The following CMPK1 variants were observed in gnomAD, a reference collection of about 807,000 sequenced individuals.
The protein encoded by CMPK1 is cytidine/uridine monophosphate kinase 1.
Under a neutral mutation model 25.7 loss-of-function variants are expected in CMPK1, and 10 were observed. That is an observed-to-expected ratio of 0.39 (90% confidence interval 0.24 to 0.66). The LOEUF (loss-of-function observed/expected upper bound fraction) is 0.66, where lower values mean the gene tolerates loss of function less well. Among genes scored for constraint, CMPK1 ranks in the 30% least tolerant of loss-of-function variants. CMPK1 has a pLI of 0.48. For synonymous variants in CMPK1, 106 were observed against 101.5 expected (o/e 1.04, Z -0.27); for missense variants, 199 against 280.5 (o/e 0.71, Z 2.08).
At chr1:47,339,998 G>A (rs540062951) in intron 1 of CMPK1, among the ~76,000 whole-genome samples, 75 of 150,746 alleles carry the variant, frequency 5.0e-4, no homozygotes, top group Non-Finnish European at 8.0e-4. Flanking sequence ...GTGAGCCACC[G>A]CATCCGGCTG....
rs1361652567 is a variant in CMPK1 at position 47,338,581 on chromosome 1, CTCCCTCCCTCCTTCCT to C, written c.171+4466_171+4481del. On this transcript the variant is annotated intron_variant, in intron 1 of 5. Coordinates refer to ENST00000371873, the MANE Select transcript of CMPK1 (RefSeq NM_016308.3). ...CTTCCCTCCCTCCCTCTCTCCTTCC[CTCCCTCCCTCCTTCCT>C]GTTCTTTCTTTTTCTTCTTTTCTTT... 1.5e-3 allele frequency among the ~76,000 whole-genome samples: 196 copies of C among 127,698 alleles called. 3 individuals carry two copies. Among genetic ancestry groups the C allele is most frequent in the Non-Finnish European group, 1.8e-3 (108 of 60,144 alleles). The allele number at this position is 127,698 out of a possible 152,430, so 83.8% of individuals were successfully genotyped here. A position where few individuals can be genotyped will look rare whatever the true frequency, so the allele number is the denominator to read the frequency against.
intron 1 of CMPK1, among the ~76,000 whole-genome samples, chr1:47,344,407 C>G (rs1372580505): frequency 6.6e-6 from 1 of 151,946 alleles, no homozygotes; most frequent in Non-Finnish European, 1.5e-5. Flanking sequence ...AACCGACATA[C>G]GTGAGGCTGA....
chr1:47,364,717 TATATA>T (rs1570374587), intron 1 of CMPK1, among the ~76,000 whole-genome samples: 1 of 148,534 alleles, frequency 6.7e-6, no homozygotes. Context: ...AATTGTATAA[TATATA>T]ATATATGAAA....
chr1:47,340,503 G>GA (rs1379282898), intron 1 of CMPK1, among the ~76,000 whole-genome samples: 1 of 152,076 alleles, frequency 6.6e-6, no homozygotes, highest in Non-Finnish European at 1.5e-5. Context: ...ATATGGTTGT[G>GA]AAAATCTGCT....
intron 2 of CMPK1, among the ~76,000 whole-genome samples, chr1:47,372,726 C>T (rs1219200362): frequency 6.6e-6 from 1 of 152,026 alleles, no homozygotes. Context: ...GGGGCATATA[C>T]CCATAACCAC....
At chr1:47,343,745 C>G (rs532911192) in intron 1 of CMPK1, among the ~76,000 whole-genome samples, 10 of 151,770 alleles carry the variant, frequency 6.6e-5, no homozygotes, top group African/African-American at 2.4e-4. Flanking sequence ...AAGCCCATCC[C>G]TGCATGGTGG....
intron 2 of CMPK1, among the ~76,000 whole-genome samples, chr1:47,370,686 C>A (rs1461847840): frequency 6.6e-6 from 1 of 150,798 alleles, no homozygotes; most frequent in Non-Finnish European, 1.5e-5. Context: ...CGCCTGTAAT[C>A]CCAGAACTTT....
intron 1 of CMPK1, among the ~76,000 whole-genome samples, chr1:47,364,303 T>G (rs1182009918): frequency 2.0e-5 from 3 of 151,738 alleles, no homozygotes; most frequent in African/African-American, 4.8e-5. Flanking sequence ...TGTTTGTTTG[T>G]TTTGTTTTGG....
rs922973684 is a variant in CMPK1 at position 47,354,049 on chromosome 1, G to T, written c.172-14420G>T. Among the ~76,000 whole-genome samples the T allele has an allele frequency of 2.0e-5, 3 of 152,134 alleles. No homozygotes were observed. The East Asian group carries it at 5.8e-4, about 29-fold the overall frequency. On this transcript the variant is annotated intron_variant, in intron 1 of 5. Transcript: ENST00000371873. ...TACTTTTTAAAGATGTATAGGTTGGGCATGGTGGCTCAGTCTTGTAAACCC... is the reference window on the plus strand; with the variant it reads ...TACTTTTTAAAGATGTATAGGTTGGTCATGGTGGCTCAGTCTTGTAAACCC...
At chr1:47,342,240 C>A (rs1356225662) in intron 1 of CMPK1, among the ~76,000 whole-genome samples, 1 of 152,034 alleles carries the variant, frequency 6.6e-6, no homozygotes, top group Non-Finnish European at 1.5e-5. Context: ...TGCCACCACA[C>A]CTGGCTAATT....
intron 1 of CMPK1, among the ~76,000 whole-genome samples, chr1:47,351,943 C>G (rs1365829251): frequency 6.6e-6 from 1 of 152,002 alleles, no homozygotes; most frequent in Non-Finnish European, 1.5e-5. Flanking sequence ...GATGACCAGC[C>G]TGACCAACGT....
chr1:47,345,938 A>G (rs560243196), intron 1 of CMPK1, among the ~76,000 whole-genome samples: 25 of 150,598 alleles, frequency 1.7e-4, no homozygotes, highest in African/African-American at 6.1e-4. Context: ...TATTTTTGGT[A>G]GAGATGGGGA....
intron 1 of CMPK1, among the ~76,000 whole-genome samples, chr1:47,349,118 G>A (rs150841665): frequency 4.4e-4 from 67 of 152,298 alleles, no homozygotes; most frequent in African/African-American, 1.5e-3. Context: ...AGCTTTCTGT[G>A]TGTGGATAAA....
intron 1 of CMPK1, among the ~76,000 whole-genome samples, chr1:47,350,266 C>T (rs1029131641): frequency 1.3e-5 from 2 of 150,882 alleles, no homozygotes; most frequent in Admixed American, 6.6e-5. Context: ...GAGACAGGAC[C>T]TTGCGCTGTC....
chr1:47,340,049 TCCCCTCCC>T (rs1646429649), intron 1 of CMPK1, among the ~76,000 whole-genome samples: 2 of 17,174 alleles, frequency 1.2e-4, no homozygotes, highest in Non-Finnish European at 2.6e-4. Context: ...TCCCCTCCCC[TCCCCTCCC>T]CTCCCCTTTC....
At chr1:47,334,887 T>G (rs1376029797) in intron 1 of CMPK1, among the ~76,000 whole-genome samples, 1 of 152,258 alleles carries the variant, frequency 6.6e-6, no homozygotes, top group East Asian at 1.9e-4. Flanking sequence ...AACCCAGATT[T>G]TCTCAGGATA....
At chr1:47,368,785 C>A (rs1234039759) in intron 2 of CMPK1, among the ~76,000 whole-genome samples, 170 bp downstream of exon 2, 2 of 152,092 alleles carry the variant, frequency 1.3e-5, no homozygotes, top group Non-Finnish European at 2.9e-5. Context: ...CCTAGTGAAA[C>A]CCCATCTCTA....
At chr1:47,359,386 CTTTTTTTT>C (rs71053107) in intron 1 of CMPK1, among the ~76,000 whole-genome samples, 1 of 102,758 alleles carries the variant, frequency 9.7e-6, no homozygotes. Context: ...AACCTTTTTT[CTTTTTTTT>C]TTTTTTTTTT....
intron 1 of CMPK1, chr1:47,358,775 T>C (rs1374855624): frequency 3.0e-6 from 3 of 983,974 alleles, no homozygotes; most frequent in East Asian, 1.1e-4. Context: ...TGCTCAAATG[T>C]TATGTTTGCT....
Sources: allele counts gnomAD v4.1 joint callset (sites outside exome capture counted in the v4.1 genomes callset), GRCh38; gene constraint gnomAD v4.1.1; transcripts MANE v1.5; gene names NCBI Gene and HGNC (gene_info 2026-07-23, HGNC 2026-07-21).